ZDHHC14: variants seen among roughly 807,000 people sequenced by gnomAD.
The protein encoded by ZDHHC14 is palmitoyltransferase ZDHHC14.
Under a neutral mutation model 47.7 loss-of-function variants are expected in ZDHHC14, and 16 were observed. The ratio of observed to expected loss-of-function variants is 0.34; its 90% confidence interval spans 0.23 to 0.51. ZDHHC14 has a LOEUF of 0.51. Among genes scored for constraint, ZDHHC14 ranks in the 20% least tolerant of loss-of-function variants. The pLI is 0.97. For synonymous variants in ZDHHC14, 293 were observed against 278.9 expected (o/e 1.05, Z -0.50); for missense variants, 515 against 662.5 (o/e 0.78, Z 2.44).
At chr6:157,645,183 C>G (rs1185892539) in intron 5 of ZDHHC14, among the ~76,000 whole-genome samples, 1 of 152,114 alleles carries the variant, frequency 6.6e-6, no homozygotes, top group African/African-American at 2.4e-5. Flanking sequence ...TCTTCCCCTT[C>G]TCTGTAAGCA....
rs750975822 is a variant in ZDHHC14 at position 157,458,849 on chromosome 6, A to ATTTTTTT, written c.245+76599_245+76605dup. Reference sequence around the variant, plus strand: ...TACAGGTACTAGCAAATGTGGGTGGATTTTTTTTTTTTTTTTTTTTTTGAG... The same window carrying ATTTTTTT: ...TACAGGTACTAGCAAATGTGGGTGGATTTTTTTTTTTTTTTTTTTTTTTTTTTTTGAG... On this transcript the variant is annotated intron_variant, in intron 1 of 8. Transcript: ENST00000359775. Among the ~76,000 whole-genome samples, 53 of 81,212 alleles carry ATTTTTTT rather than the reference A, an allele frequency of 6.5e-4. 6 individuals carry two copies. The highest frequency in any genetic ancestry group is 2.3e-3 in the East Asian group (5 of 2,180). The allele number at this position is 81,212 out of a possible 152,430, so 53.3% of individuals were successfully genotyped here. A position where few individuals can be genotyped will look rare whatever the true frequency, so the allele number is the denominator to read the frequency against.
chr6:157,608,766 A>G (rs1219791563), intron 3 of ZDHHC14, among the ~76,000 whole-genome samples: 3 of 152,214 alleles, frequency 2.0e-5, no homozygotes, highest in Non-Finnish European at 2.9e-5. Flanking sequence ...GCATGCTTCA[A>G]AAAGTGTCCT....
At chr6:157,394,829 C>T (rs1017703385) in intron 1 of ZDHHC14, among the ~76,000 whole-genome samples, 3 of 152,090 alleles carry the variant, frequency 2.0e-5, no homozygotes, top group African/African-American at 7.2e-5. Flanking sequence ...AGTGTTGGGA[C>T]TGGTTTGGGG....
intron 1 of ZDHHC14, among the ~76,000 whole-genome samples, chr6:157,493,937 G>C (rs1206303089): frequency 6.6e-6 from 1 of 152,196 alleles, no homozygotes; most frequent in Non-Finnish European, 1.5e-5. Flanking sequence ...CTCAGCTCAA[G>C]GCCACACCTG....
intron 1 of ZDHHC14, among the ~76,000 whole-genome samples, chr6:157,465,097 T>C (rs1372310127): frequency 6.9e-6 from 1 of 144,408 alleles, no homozygotes; most frequent in African/African-American, 2.5e-5. Flanking sequence ...TGTTTTTTTC[T>C]CTTTCTCCTT....
intron 1 of ZDHHC14, among the ~76,000 whole-genome samples, chr6:157,437,653 T>A (rs1778468070): frequency 1.3e-5 from 2 of 152,216 alleles, no homozygotes; most frequent in Admixed American, 1.3e-4. Flanking sequence ...TAAAACGACC[T>A]TTCCTGTCAG....
intron 8 of ZDHHC14, among the ~76,000 whole-genome samples, chr6:157,667,617 T>TA (rs11429657): frequency 0.47 from 68,333 of 144,086 alleles, 16,035 homozygotes; most frequent in Admixed American, 0.53. Context: ...AGCAAAGGTT[T>TA]AAAAAAAAAA....
chr6:157,611,225 C>G (rs1392669003), intron 3 of ZDHHC14, among the ~76,000 whole-genome samples: 1 of 152,148 alleles, frequency 6.6e-6, no homozygotes, highest in Non-Finnish European at 1.5e-5. Context: ...GTCTCAAACT[C>G]CTGACCTCAG....
At chr6:157,474,513 C>G (rs1325583528) in intron 1 of ZDHHC14, among the ~76,000 whole-genome samples, 1 of 152,114 alleles carries the variant, frequency 6.6e-6, no homozygotes, top group African/African-American at 2.4e-5. Flanking sequence ...AATAGCTGTA[C>G]TCATTTACAT....
Position 157,427,167 on chromosome 6 carries a change from C to A in ZDHHC14, c.245+44901C>A, listed in dbSNP as rs988597247. Among the ~76,000 whole-genome samples the A allele has an allele frequency of 1.3e-5, 2 of 151,868 alleles. No homozygotes were observed. Among genetic ancestry groups the A allele is most frequent in the Admixed American group, 1.3e-4 (2 of 15,250 alleles). On this transcript the variant is annotated intron_variant, in intron 1 of 8. Transcript: ENST00000359775. This position sits in a 1 kb window ranked among gnomAD's most constrained non-coding sequence, Gnocchi z 4.4. The stretch of plus-strand genomic sequence containing the variant: ...GGCGTAGACCTGGAGGGGCATCGGG[C>A]CTGGGAGCACAGGAGGAAGGAGGAA...
chr6:157,609,243 A>G (rs1386554068), intron 3 of ZDHHC14, among the ~76,000 whole-genome samples: 4 of 152,210 alleles, frequency 2.6e-5, no homozygotes, highest in African/African-American at 4.8e-5. Context: ...AGAGCTGAGC[A>G]CTGCCTGTGT....
chr6:157,591,045 A>C (rs1274429993), intron 2 of ZDHHC14, among the ~76,000 whole-genome samples: 1 of 152,206 alleles, frequency 6.6e-6, no homozygotes, highest in African/African-American at 2.4e-5. Flanking sequence ...AATGTCTCCC[A>C]TTTGGAACAG....
chr6:157,653,485 TA>T, intron 7 of ZDHHC14, 39 bp from the exon 8 acceptor site: 1 of 1,607,610 alleles, frequency 6.2e-7, no homozygotes, highest in Non-Finnish European at 8.5e-7. Context: ...TCTGGCTTTT[TA>T]TTCACTCTCT....
At chr6:157,635,937 G>A (rs1002056973) in intron 5 of ZDHHC14, among the ~76,000 whole-genome samples, 4 of 152,172 alleles carry the variant, frequency 2.6e-5, no homozygotes, top group African/African-American at 4.8e-5. Flanking sequence ...AGTCTCAGCC[G>A]CTGCCTTTCC....
Position 157,660,408 on chromosome 6 carries a change from GT to G in ZDHHC14, c.1068+6782del, listed in dbSNP as rs1778300650. 2.6e-5 allele frequency among the ~76,000 whole-genome samples: 4 copies of G among 152,114 alleles called. No homozygotes were observed. The South Asian group carries it at 8.3e-4, about 32-fold the overall frequency. On this transcript the variant is annotated intron_variant, in intron 8 of 8. Transcript: ENST00000359775. ...GCATTTCACCATGTTGGCCAGGCTG[GT>G]CTCAAACTCCTGACCTCAGGAGATC...
intron 1 of ZDHHC14, among the ~76,000 whole-genome samples, chr6:157,425,880 C>T (rs1778207862): frequency 6.6e-6 from 1 of 152,182 alleles, no homozygotes; most frequent in Non-Finnish European, 1.5e-5. Context: ...CACCTGTTTC[C>T]TCTGTAATGC....
rs575524037 is a variant in ZDHHC14, at chr6:157,677,850, T to TTA, written c.*4728_*4729insTA. 1 of 120,010 alleles carries TTA rather than the reference T, an allele frequency of 8.3e-6. No homozygotes were observed. Among genetic ancestry groups the TTA allele is most frequent in the African/African-American group, 2.9e-5 (1 of 34,010 alleles). 7.4% of individuals were successfully genotyped at this position (120,010 alleles called of 1,614,324 possible). On this transcript the variant is annotated 3_prime_UTR_variant, in exon 9 of 9. Coordinates refer to ENST00000359775, the MANE Select transcript of ZDHHC14 (RefSeq NM_024630.3). ...AATAGAGATGGTTTTAGCCTGCAAT[T>TTA]AAAAAAAAAAAAAAAAACGGTTGAA...
At chr6:157,434,747 C>G (rs775026140) in intron 1 of ZDHHC14, among the ~76,000 whole-genome samples, 1 of 152,092 alleles carries the variant, frequency 6.6e-6, no homozygotes, top group Non-Finnish European at 1.5e-5. Context: ...GGGGAGGAGC[C>G]GGACTTTTAA....
intron 1 of ZDHHC14, among the ~76,000 whole-genome samples, chr6:157,417,700 G>A (rs1778010435): frequency 1.3e-5 from 2 of 152,220 alleles, no homozygotes; most frequent in South Asian, 4.1e-4. Context: ...GGCGAAGAAG[G>A]CCAGGCATGG....
Sources: gnomAD v4.1 joint callset for allele counts (sites outside exome capture counted in the v4.1 genomes callset) on GRCh38, gnomAD v4.1.1 for gene constraint, Gnocchi (gnomAD v3.1) non-coding constraint, MANE v1.5 for transcripts, NCBI Gene and HGNC (gene_info 2026-07-23, HGNC 2026-07-21) for gene names.